The following MECOM variants were observed in gnomAD, a reference collection of about 807,000 sequenced individuals.
MECOM encodes histone-lysine N-methyltransferase MECOM.
Under a neutral mutation model 116.3 loss-of-function variants are expected in MECOM, and 13 were observed. That is an observed-to-expected ratio of 0.11 (90% CI 0.07 to 0.18). The LOEUF is 0.18. MECOM is among the 10% of genes least tolerant of loss of function. The pLI is 1.00. For synonymous variants in MECOM, 528 were observed against 535.2 expected, an observed-to-expected ratio of 0.99 and a Z score of 0.19; for missense variants, 1,299 against 1,509.0, an observed-to-expected ratio of 0.86 and a Z score of 2.31.
intron 1 of MECOM, among the ~76,000 whole-genome samples, chr3:169,561,873 T>G (rs1762672759): frequency 6.6e-6 from 1 of 151,956 alleles, no homozygotes; most frequent in Non-Finnish European, 1.5e-5. Flanking sequence ...AGGCTGGGCA[T>G]GTGTGCTCAC....
chr3:169,121,265 G>A, intron 6 of MECOM, 56 bp from the exon 7 acceptor site: 3 of 1,503,254 alleles, frequency 2.0e-6, no homozygotes, highest in South Asian at 1.3e-5. Context: ...GCACAATAAA[G>A]AAGACCCGGG....
intron 2 of MECOM, among the ~76,000 whole-genome samples, chr3:169,173,805 G>A (rs2149378268): frequency 6.6e-6 from 1 of 152,276 alleles, no homozygotes; most frequent in East Asian, 1.9e-4. Flanking sequence ...CTATCTGTAT[G>A]TGACTACCTA....
intron 1 of MECOM, among the ~76,000 whole-genome samples, chr3:169,644,743 G>C (rs1773945081): frequency 6.6e-6 from 1 of 152,092 alleles, no homozygotes. Context: ...ACAAAACAAA[G>C]GGGCAATTAG....
At chr3:169,287,826 A>G (rs550903579) in intron 2 of MECOM, among the ~76,000 whole-genome samples, 4 of 152,282 alleles carry the variant, frequency 2.6e-5, no homozygotes, top group African/African-American at 7.2e-5. Flanking sequence ...GGGCCCTTGT[A>G]TAGGAGTTTA....
intron 2 of MECOM, among the ~76,000 whole-genome samples, chr3:169,374,762 G>T (rs1730731104): frequency 6.6e-6 from 1 of 152,004 alleles, no homozygotes; most frequent in African/African-American, 2.4e-5. Flanking sequence ...GCTGGGCATG[G>T]TGGCTCATAC....
intron 1 of MECOM, among the ~76,000 whole-genome samples, chr3:169,467,900 G>C (rs898030684): frequency 1.3e-5 from 2 of 152,136 alleles, no homozygotes; most frequent in Non-Finnish European, 2.9e-5. Flanking sequence ...CCATGGAATA[G>C]GGATGTAAAT....
At chr3:169,652,316 A>G (rs1577296739) in intron 1 of MECOM, among the ~76,000 whole-genome samples, 1 of 152,312 alleles carries the variant, frequency 6.6e-6, no homozygotes, top group Admixed American at 6.5e-5. Context: ...TTATCATTTT[A>G]TCATGAAACA....
intron 1 of MECOM, among the ~76,000 whole-genome samples, chr3:169,505,227 G>A (rs1560367232): frequency 7.0e-6 from 1 of 142,428 alleles, no homozygotes; most frequent in Non-Finnish European, 1.6e-5. Context: ...TTTATCCAAA[G>A]TATATCATAC....
At chr3:169,350,176 C>G (rs577131469) in intron 2 of MECOM, among the ~76,000 whole-genome samples, 1 of 151,900 alleles carries the variant, frequency 6.6e-6, no homozygotes, top group South Asian at 2.1e-4. Flanking sequence ...TATTCTCTTA[C>G]ACTTCACATG....
intron 16 of MECOM, chr3:169,086,503 C>T (rs2148819394): frequency 1.5e-6 from 1 of 689,508 alleles, no homozygotes; most frequent in African/African-American, 1.8e-5. Context: ...TTAAACCTGC[C>T]TCTACTCACC....
chr3:169,473,101 C>T (rs1291121277), intron 1 of MECOM: 2 of 210,344 alleles, frequency 9.5e-6, no homozygotes, highest in Non-Finnish European at 1.6e-5. Context: ...GTGGTTCCAA[C>T]CTGTGAGAGA....
chr3:169,636,322 CT>C (rs749764726), intron 1 of MECOM, among the ~76,000 whole-genome samples: 1 of 152,114 alleles, frequency 6.6e-6, no homozygotes, highest in Non-Finnish European at 1.5e-5. Context: ...TAGTAAGAAT[CT>C]TTTTTAAGAC....
At chr3:169,279,468 G>A (rs1006013243) in intron 2 of MECOM, among the ~76,000 whole-genome samples, 19 of 152,168 alleles carry the variant, frequency 1.2e-4, no homozygotes, top group African/African-American at 3.4e-4. Flanking sequence ...GAGGGAAAGC[G>A]GGTAAGTAGG....
chr3:169,216,882 A>G (rs1312139637), intron 2 of MECOM, among the ~76,000 whole-genome samples: 1 of 148,124 alleles, frequency 6.8e-6, no homozygotes, highest in Admixed American at 6.8e-5. Flanking sequence ...ACATTAAGCT[A>G]TCGCCGTGGC....
intron 2 of MECOM, among the ~76,000 whole-genome samples, chr3:169,204,096 A>AG: frequency 6.6e-6 from 1 of 152,152 alleles, no homozygotes; most frequent in Non-Finnish European, 1.5e-5. Flanking sequence ...AGCCCAAGGA[A>AG]CCGCTACTGG....
At chr3:169,160,873 G>T (rs949452222) in intron 2 of MECOM, among the ~76,000 whole-genome samples, 1 of 152,066 alleles carries the variant, frequency 6.6e-6, no homozygotes, top group African/African-American at 2.4e-5. Flanking sequence ...TCAGAATGTG[G>T]TAAAAAGAAG....
intron 1 of MECOM, among the ~76,000 whole-genome samples, chr3:169,538,173 C>G (rs906458468): frequency 6.6e-6 from 1 of 152,182 alleles, no homozygotes; most frequent in Admixed American, 6.5e-5. Context: ...TTCTCTGTCC[C>G]CATCACATAG....
chr3:169,349,798 A>G (rs947818007), intron 2 of MECOM, among the ~76,000 whole-genome samples: 2 of 151,932 alleles, frequency 1.3e-5, no homozygotes, highest in African/African-American at 2.4e-5. Context: ...CTGTGGGCCA[A>G]TGAATATGAG....
intron 12 of MECOM, among the ~76,000 whole-genome samples, chr3:169,096,567 G>A (rs1721560793): frequency 6.6e-6 from 1 of 152,136 alleles, no homozygotes; most frequent in African/African-American, 2.4e-5. Context: ...ACCGCGTCCA[G>A]CCTCCAAATG....
Sources: allele counts gnomAD v4.1 joint callset (sites outside exome capture counted in the v4.1 genomes callset), GRCh38; gene constraint gnomAD v4.1.1; transcripts MANE v1.5; gene names NCBI Gene and HGNC (gene_info 2026-07-23, HGNC 2026-07-21).